ARMC6: variants seen among roughly 807,000 people sequenced by gnomAD.
ARMC6 encodes the protein armadillo repeat-containing protein 6.
In ARMC6, 43 loss-of-function variants were observed where a neutral mutation model predicts 49.2. The observed-to-expected ratio is 0.87, with a 90% CI of 0.69 to 1.13. The LOEUF (loss-of-function observed/expected upper bound fraction) is 1.13. ARMC6 is among the 50% of genes most tolerant of loss of function. ARMC6 has a pLI of 0.00. For synonymous variants in ARMC6, 262 were observed against 289.6 expected (o/e 0.90, Z 0.97); for missense variants, 627 against 682.0 (o/e 0.92, Z 0.90).
chr19:19,047,837 A>T (rs942348299), intron 4 of ARMC6, among the ~76,000 whole-genome samples: 6 of 152,220 alleles, frequency 3.9e-5, no homozygotes, highest in Non-Finnish European at 8.8e-5. Context: ...ATATCAATCA[A>T]TACATGTGAG....
intron 2 of ARMC6, chr19:19,039,440 T>G: frequency 4.6e-6 from 2 of 430,844 alleles, no homozygotes; most frequent in African/African-American, 2.0e-5. Flanking sequence ...CCTGGCCTGA[T>G]GTAGTGATTT....
At position 19,047,393 on chromosome 19, in the gene ARMC6, G is replaced by A. The variant is rs114647874; in HGVS notation, c.279+3319G>A. ...AAAAAAATTCAACATTGTGATGGTC[G>A]TTGAAATTAATCTGTTTGTGTCATA... On this transcript the variant is annotated intron_variant, in intron 4 of 8. Coordinates refer to ENST00000535612, the MANE Select transcript of ARMC6 (RefSeq NM_001199196.2). 8.0e-3 allele frequency among the ~76,000 whole-genome samples: 1,218 copies of A among 152,246 alleles called. 12 individuals are homozygous for A. The highest frequency in any genetic ancestry group is 0.028 in the African/African-American group (1,157 of 41,552).
At position 19,052,013 on chromosome 19, in the gene ARMC6, T is replaced by C; in HGVS notation, c.671T>C (p.Leu224Pro). ...QDLVKAGVLP[L>P]LTGAITHHGH... ...CTGGTGAAAGCTGGCGTGCTGCCTCTGCTGACTGGTGCCATCACCCATCAT... is the reference window on the plus strand; with the variant it reads ...CTGGTGAAAGCTGGCGTGCTGCCTCCGCTGACTGGTGCCATCACCCATCAT... Residue 224 changes from leucine (L) to proline (P), a missense_variant, in exon 5 of 9, where the codon CTG becomes CCG. By Grantham distance (98) the Leu-to-Pro change is moderately conservative (BLOSUM62 -3). Transcript: ENST00000535612. 6.2e-7 allele frequency: 1 copy of C among 1,614,092 alleles called. No individual in the cohort carries two copies. Among genetic ancestry groups the C allele is most frequent in the Non-Finnish European group, 8.5e-7 (1 of 1,180,044 alleles).
At chr19:19,041,673 C>T (rs890852459) in intron 2 of ARMC6, among the ~76,000 whole-genome samples, 2 of 152,050 alleles carry the variant, frequency 1.3e-5, no homozygotes, top group South Asian at 2.1e-4. Flanking sequence ...TAGTGTATAT[C>T]TTATACTATA....
intron 2 of ARMC6, 112 bp downstream of exon 2, chr19:19,034,350 G>T (rs1199712739): frequency 5.1e-5 from 68 of 1,341,206 alleles, no homozygotes; most frequent in Non-Finnish European, 6.8e-5. Context: ...TGAGAAAGGC[G>T]GGGAAGAGGA....
chr19:19,042,490 A>C (rs2059418365), intron 2 of ARMC6, among the ~76,000 whole-genome samples: 1 of 152,142 alleles, frequency 6.6e-6, no homozygotes. Flanking sequence ...CCGGGATTAC[A>C]GGCTAAGCCA....
At chr19:19,049,476 C>T (rs1194682347) in intron 4 of ARMC6, among the ~76,000 whole-genome samples, 2 of 152,170 alleles carry the variant, frequency 1.3e-5, no homozygotes, top group African/African-American at 4.8e-5. Context: ...TTTCAAGTTT[C>T]TTACAGGGTT....
At position 19,055,933 on chromosome 19, in the gene ARMC6, G is replaced by C; in HGVS notation, c.1293+5G>C. ...CCGCAGAAGGCCGGCGTGCAGGTGG[G>C]CAGGGCAGGGGATGGGGGCAGGCAG... On this transcript the variant is annotated splice_donor_5th_base_variant and intron_variant, in intron 8 of 8. Transcript: ENST00000535612. This position sits in a 1 kb window ranked among gnomAD's most constrained non-coding sequence, Gnocchi z 5.7. 1 of 1,605,986 alleles carries C rather than the reference G, an allele frequency of 6.2e-7. No homozygotes were observed. Among genetic ancestry groups the C allele is most frequent in the East Asian group, 2.2e-5 (1 of 44,796 alleles).
chr19:19,054,028 G>T (rs73008960), intron 5 of ARMC6, 124 bp from the exon 6 acceptor site: 71,529 of 954,032 alleles, frequency 0.075, 3,058 homozygotes, highest in Middle Eastern at 0.11. Flanking sequence ...CCTTCCTGGT[G>T]CCCGTGGCCA....
At chr19:19,045,191 G>A (rs1053040187) in intron 4 of ARMC6, among the ~76,000 whole-genome samples, 1 of 151,876 alleles carries the variant, frequency 6.6e-6, no homozygotes, top group Non-Finnish European at 1.5e-5. Context: ...TTTTGTGTTT[G>A]TAGTAGAGAC....
intron 4 of ARMC6, among the ~76,000 whole-genome samples, chr19:19,044,480 A>G (rs1276433465): frequency 6.6e-6 from 1 of 152,272 alleles, no homozygotes; most frequent in East Asian, 1.9e-4. Flanking sequence ...CCAGTCCGTT[A>G]GCACTGAAGC....
chr19:19,039,025 GATTACAGGCACA>G (rs2059392384), intron 2 of ARMC6, among the ~76,000 whole-genome samples: 1 of 152,136 alleles, frequency 6.6e-6, no homozygotes, highest in Non-Finnish European at 1.5e-5. Context: ...AAGTTGCTGA[GATTACAGGCACA>G]AGTCATTGCT....
intron 2 of ARMC6, among the ~76,000 whole-genome samples, chr19:19,034,946 C>G (rs2145834306): frequency 6.6e-6 from 1 of 151,552 alleles, no homozygotes; most frequent in Non-Finnish European, 1.5e-5. Flanking sequence ...ACTGCAAGCT[C>G]CGTCTCCTGG....
At position 19,055,218 on chromosome 19, in the gene ARMC6, AC is replaced by A. The variant is rs747461803; in HGVS notation, c.1024-46del. ...ACATTCTCCCTCAGAGCCCTCTCCC[AC>A]AACCAGCGGCCTGGCTGGAGGTGAG... On this transcript the variant is annotated intron_variant, in intron 6 of 8. Coordinates refer to ENST00000535612, the MANE Select transcript of ARMC6 (RefSeq NM_001199196.2). The surrounding 1 kb of genome is among the most constrained non-coding windows in gnomAD (Gnocchi z 5.7). 74 of 1,536,432 alleles carry A rather than the reference AC, an allele frequency of 4.8e-5. No individual in the cohort carries two copies. Among genetic ancestry groups the A allele is most frequent in the Middle Eastern group, 1.8e-4 (1 of 5,702 alleles).
chr19:19,055,146 A>G lies in ARMC6; in HGVS notation c.1024-119A>G. ...TCTGCCACCCCTTCTCGTTAGTCACACCCTGCAGTCACACCATACCTGTTG... is the reference window on the plus strand; with the variant it reads ...TCTGCCACCCCTTCTCGTTAGTCACGCCCTGCAGTCACACCATACCTGTTG... On this transcript the variant is annotated intron_variant, in intron 6 of 8. Coordinates refer to ENST00000535612, the MANE Select transcript of ARMC6 (RefSeq NM_001199196.2). The surrounding 1 kb of genome is among the most constrained non-coding windows in gnomAD (Gnocchi z 5.7). 1.5e-6 allele frequency: 2 copies of G among 1,323,578 alleles called. No individual in the cohort carries two copies. The highest frequency in any genetic ancestry group is 3.1e-5 in the South Asian group (2 of 64,928). 82.0% of individuals were successfully genotyped at this position (1,323,578 alleles called of 1,614,324 possible).
rs2145822195 is a variant in ARMC6 at position 19,033,651 on chromosome 19, A to G, written c.-359A>G. The G allele has an allele frequency of 2.0e-6, 2 of 984,438 alleles. No homozygotes were observed. Among genetic ancestry groups the G allele is most frequent in the Non-Finnish European group, 2.5e-6 (2 of 786,712 alleles). 61.0% of individuals were successfully genotyped at this position (984,438 alleles called of 1,614,324 possible). A position where few individuals can be genotyped will look rare whatever the true frequency, so the allele number is the denominator to read the frequency against. On this transcript the variant is annotated 5_prime_UTR_variant, in exon 1 of 9. Coordinates refer to ENST00000535612, the MANE Select transcript of ARMC6 (RefSeq NM_001199196.2). ...CGCGCTGTCCGCTTCTTCTGGGCGGACGCTCTGGAGGCAAAACATTTCCCT... is the reference window on the plus strand; with the variant it reads ...CGCGCTGTCCGCTTCTTCTGGGCGGGCGCTCTGGAGGCAAAACATTTCCCT...
Position 19,033,689 on chromosome 19 carries a change from G to T in ARMC6, c.-321G>T. The T allele has an allele frequency of 7.1e-6, 2 of 282,824 alleles. No homozygotes were observed. The highest frequency in any genetic ancestry group is 1.3e-5 in the Non-Finnish European group (2 of 153,752). The allele number at this position is 282,824 out of a possible 1,614,324, so 17.5% of individuals were successfully genotyped here. On this transcript the variant is annotated 5_prime_UTR_variant, in exon 1 of 9. Coordinates refer to ENST00000535612, the MANE Select transcript of ARMC6 (RefSeq NM_001199196.2). ...AAAACATTTCCCTGCTGGGGGCGGC[G>T]ACCACCGTGAGCGTCCCGGAAGGGG...
chr19:19,054,748 C>A (rs1380842774), intron 6 of ARMC6, among the ~76,000 whole-genome samples: 1 of 152,202 alleles, frequency 6.6e-6, no homozygotes, highest in Non-Finnish European at 1.5e-5. Context: ...CAGGAAAGCC[C>A]CCAGGGGTGC....
chr19:19,043,999 T>G lies in ARMC6; in HGVS notation c.204T>G (p.Asp68Glu). 1 of 1,614,022 alleles carries G rather than the reference T, an allele frequency of 6.2e-7. No individual in the cohort carries two copies. The highest frequency in any genetic ancestry group is 8.5e-7 in the Non-Finnish European group (1 of 1,179,918). ...AVEQFESQGV[D>E]LSNIVKTAPK... ...TTCCCCCACCCCCAACAGGGGTTGA[T>G]CTGAGCAACATTGTAAAGACGGCAC... The change falls in exon 4 of 9, where the codon GAT becomes GAG. Residue 68 changes from aspartate (D) to glutamate (E), a missense_variant. Asp to Glu is a conservative substitution (Grantham distance 45). Transcript: ENST00000535612.
Sources: allele counts gnomAD v4.1 joint callset (sites outside exome capture counted in the v4.1 genomes callset), GRCh38; gene constraint gnomAD v4.1.1; non-coding constraint Gnocchi (gnomAD v3.1); transcripts MANE v1.5; gene names NCBI Gene and HGNC (gene_info 2026-07-23, HGNC 2026-07-21).